GABRB2: variants seen among roughly 807,000 people sequenced by gnomAD.
GABRB2 encodes gamma-aminobutyric acid type A receptor subunit beta2.
Under a neutral mutation model 54.7 loss-of-function variants are expected in GABRB2, and 16 were observed. That is an observed-to-expected ratio of 0.29 (90% CI 0.20 to 0.44). The LOEUF (loss-of-function observed/expected upper bound fraction) is 0.44, where lower values mean the gene tolerates loss of function less well. GABRB2 is among the 20% of genes least tolerant of loss of function. The probability of loss-of-function intolerance (pLI) is 1.00; values close to 1 mark genes in which losing one functional copy is unlikely to be tolerated. For synonymous variants in GABRB2, 244 were observed against 233.8 expected (o/e 1.04, Z -0.40); for missense variants, 355 against 644.0 (o/e 0.55, Z 4.86).
chr5:161,465,796 C>A lies in GABRB2; in HGVS notation c.238-5952G>T, dbSNP rs1164758376. On this transcript the variant is annotated intron_variant, in intron 3 of 9. Transcript: ENST00000393959. ...TTATTGTCTTTTACATTCGTTTTAA[C>A]TTTATAGTTTGAAACAAAAACTAGT... Among the ~76,000 whole-genome samples, 5 of 152,174 alleles carry A rather than the reference C, an allele frequency of 3.3e-5. No homozygotes were observed. In the East Asian group the frequency reaches 7.7e-4, roughly 24 times the overall value.
intron 3 of GABRB2, among the ~76,000 whole-genome samples, chr5:161,491,850 G>A (rs1040081257): frequency 3.3e-5 from 5 of 151,508 alleles, no homozygotes; most frequent in Admixed American, 6.6e-5. Flanking sequence ...TTTATCTTTC[G>A]ATATGCATTC....
At chr5:161,467,764 T>C (rs1332502070) in intron 3 of GABRB2, among the ~76,000 whole-genome samples, 2 of 152,054 alleles carry the variant, frequency 1.3e-5, no homozygotes, top group East Asian at 3.9e-4. Flanking sequence ...CTGAATAATA[T>C]CAAAATGAGG....
At chr5:161,517,916 C>A (rs1759996487) in intron 3 of GABRB2, among the ~76,000 whole-genome samples, 1 of 152,092 alleles carries the variant, frequency 6.6e-6, no homozygotes, top group Non-Finnish European at 1.5e-5. Flanking sequence ...CCTGCCTCAG[C>A]CTCCCAAGTA....
chr5:161,528,503 A>G (rs1162261780), intron 3 of GABRB2, among the ~76,000 whole-genome samples: 1 of 151,864 alleles, frequency 6.6e-6, no homozygotes, highest in Non-Finnish European at 1.5e-5. Context: ...TCTAGAATTT[A>G]AGAAATTTGT....
At chr5:161,469,538 A>G (rs1249487554) in intron 3 of GABRB2, among the ~76,000 whole-genome samples, 1 of 152,002 alleles carries the variant, frequency 6.6e-6, no homozygotes, top group African/African-American at 2.4e-5. Context: ...AAAAACAAAA[A>G]GAAAACAACA....
intron 8 of GABRB2, chr5:161,326,996 G>A (rs1470740301): frequency 7.1e-6 from 7 of 982,790 alleles, no homozygotes; most frequent in African/African-American, 5.3e-5. Flanking sequence ...TTGAAGCTAC[G>A]GGCAAGAACA....
intron 3 of GABRB2, among the ~76,000 whole-genome samples, chr5:161,489,660 T>G (rs1233492549): frequency 6.6e-6 from 1 of 151,660 alleles, no homozygotes; most frequent in African/African-American, 2.4e-5. Context: ...TCAGCTGCCA[T>G]GTAGGTCTTT....
At chr5:161,424,211 T>G (rs946312881) in intron 4 of GABRB2, among the ~76,000 whole-genome samples, 4 of 152,140 alleles carry the variant, frequency 2.6e-5, no homozygotes, top group African/African-American at 7.2e-5. Flanking sequence ...GTAGCTAAGG[T>G]AATCAATGAA....
chr5:161,307,907 G>T (rs1444624572), intron 9 of GABRB2, among the ~76,000 whole-genome samples: 1 of 148,872 alleles, frequency 6.7e-6, no homozygotes, highest in Non-Finnish European at 1.5e-5. Flanking sequence ...TGCCCAGGCT[G>T]GAGTGCAGTG....
At chr5:161,397,521 G>C (rs1004095262) in intron 5 of GABRB2, among the ~76,000 whole-genome samples, 4 of 152,096 alleles carry the variant, frequency 2.6e-5, no homozygotes, top group Non-Finnish European at 5.9e-5. Context: ...AATGAGAGTG[G>C]CTTTGTGTCT....
At chr5:161,509,677 C>T (rs982955730) in intron 3 of GABRB2, among the ~76,000 whole-genome samples, 1 of 151,830 alleles carries the variant, frequency 6.6e-6, no homozygotes, top group Non-Finnish European at 1.5e-5. Context: ...GAGTAATACT[C>T]GAGATATTTT....
At chr5:161,482,157 A>G (rs1336208944) in intron 3 of GABRB2, among the ~76,000 whole-genome samples, 1 of 152,008 alleles carries the variant, frequency 6.6e-6, no homozygotes, top group East Asian at 1.9e-4. Flanking sequence ...TTCCCATTCA[A>G]CATTAAAGTA....
rs559373084 is a variant in GABRB2, at chr5:161,317,477, G to A, written c.1191+8891C>T. On this transcript the variant is annotated intron_variant, in intron 9 of 9. Transcript: ENST00000393959. ...TTTACTTCTGGAAAAATATAAAGTT[G>A]ATCATTCTTGCACTAACAATAACTC... Among the ~76,000 whole-genome samples, 8 of 152,242 alleles carry A rather than the reference G, an allele frequency of 5.3e-5. No homozygotes were observed. The South Asian group carries it at 1.7e-3, about 32-fold the overall frequency.
chr5:161,462,245 C>T (rs1203210062), intron 3 of GABRB2, among the ~76,000 whole-genome samples: 3 of 152,120 alleles, frequency 2.0e-5, no homozygotes, highest in Non-Finnish European at 4.4e-5. Context: ...CTGCAGCACT[C>T]TGCTTTAGGG....
chr5:161,364,964 A>G (rs1031305826), intron 5 of GABRB2, among the ~76,000 whole-genome samples: 21 of 151,976 alleles, frequency 1.4e-4, no homozygotes, highest in Admixed American at 6.6e-4. Context: ...ACCAAATCTC[A>G]CTCCCATGAA....
intron 4 of GABRB2, among the ~76,000 whole-genome samples, chr5:161,412,885 C>T (rs1233628454): frequency 1.3e-5 from 2 of 152,150 alleles, no homozygotes; most frequent in African/African-American, 4.8e-5. Context: ...TCACCAAAAT[C>T]TGAAATTATT....
chr5:161,519,764 C>A (rs1394587976), intron 3 of GABRB2, among the ~76,000 whole-genome samples: 1 of 152,018 alleles, frequency 6.6e-6, no homozygotes, highest in Non-Finnish European at 1.5e-5. Flanking sequence ...AAGAAGACAA[C>A]AAATTTGATT....
chr5:161,505,847 T>C (rs934684240), intron 3 of GABRB2, among the ~76,000 whole-genome samples: 1 of 152,168 alleles, frequency 6.6e-6, no homozygotes, highest in African/African-American at 2.4e-5. Flanking sequence ...TCAGACTTAA[T>C]ATTTGGAAAC....
chr5:161,471,462 A>G (rs1758436718), intron 3 of GABRB2, among the ~76,000 whole-genome samples: 1 of 152,026 alleles, frequency 6.6e-6, no homozygotes, highest in South Asian at 2.1e-4. Context: ...AGCAGCCCTG[A>G]CTAATTGCTA....
Sources: gnomAD v4.1 joint callset for allele counts (sites outside exome capture counted in the v4.1 genomes callset) on GRCh38, gnomAD v4.1.1 for gene constraint, MANE v1.5 for transcripts, NCBI Gene and HGNC (gene_info 2026-07-23, HGNC 2026-07-21) for gene names.